WDR41: variants seen among roughly 807,000 people sequenced by gnomAD.
WDR41 encodes WD repeat domain 41, also known as WD repeat-containing protein 41.
WDR41 carries 63 observed loss-of-function variants against 69.3 expected under a neutral mutation model. The ratio of observed to expected loss-of-function variants is 0.91; its 90% CI spans 0.74 to 1.12. The LOEUF (loss-of-function observed/expected upper bound fraction) is 1.12. WDR41 is among the 50% of genes most tolerant of loss of function. The pLI, the probability that WDR41 is intolerant of heterozygous loss-of-function variation, is 0.00. For missense variants in WDR41, 543 were observed against 534.5 expected, an observed-to-expected ratio of 1.02 and a Z score of -0.16; for synonymous variants, 185 against 192.1, an observed-to-expected ratio of 0.96 and a Z score of 0.31.
intron 9 of WDR41, among the ~76,000 whole-genome samples, chr5:77,438,638 T>C (rs1365411572): frequency 6.6e-6 from 1 of 152,152 alleles, no homozygotes; most frequent in Non-Finnish European, 1.5e-5. Flanking sequence ...GAAATATATC[T>C]AGAGAAAAGC....
intron 1 of WDR41, among the ~76,000 whole-genome samples, chr5:77,517,696 T>C (rs1581782790): frequency 6.6e-6 from 1 of 150,968 alleles, no homozygotes; most frequent in African/African-American, 2.4e-5. Flanking sequence ...AGAAAAAGGA[T>C]GTGAATAAAT....
intron 9 of WDR41, among the ~76,000 whole-genome samples, chr5:77,439,410 A>G (rs1799071379): frequency 6.6e-6 from 1 of 152,228 alleles, no homozygotes; most frequent in Admixed American, 6.5e-5. Flanking sequence ...AGTACTCTGC[A>G]ATCAGCAATG....
At chr5:77,500,494 G>C (rs1220907962) in intron 1 of WDR41, among the ~76,000 whole-genome samples, 2 of 151,894 alleles carry the variant, frequency 1.3e-5, no homozygotes, top group Non-Finnish European at 1.5e-5. Context: ...ATGAAAGCAG[G>C]GATATTACTG....
intron 8 of WDR41, among the ~76,000 whole-genome samples, 155 bp from the exon 9 acceptor site, chr5:77,441,152 A>C (rs1799147040): frequency 6.6e-6 from 1 of 152,232 alleles, no homozygotes; most frequent in Non-Finnish European, 1.5e-5. Flanking sequence ...GTAACAGAAT[A>C]AGAAGGCCAG....
rs527815592 is a variant in WDR41 at position 77,486,222 on chromosome 5, A to G, written c.167+3235T>C. Among the ~76,000 whole-genome samples the G allele has an allele frequency of 2.0e-5, 3 of 152,372 alleles. No individual in the cohort carries two copies. In the South Asian group the frequency reaches 6.2e-4, roughly 32 times the overall value. On this transcript the variant is annotated intron_variant, in intron 2 of 12. Transcript: ENST00000296679. ...ACTACAGAATTAAATTTTTAAAAAC[A>G]ACATACAGACTGAAAGTTCTACAGG...
rs139567676 is a variant in WDR41, at chr5:77,607,753, A to G, written c.42+12726T>C. ...CATACATGTGGAAAATATATAAAATAACTTTTAAAGTATATGCTTATCTTT... is the reference window on the plus strand; with the variant it reads ...CATACATGTGGAAAATATATAAAATGACTTTTAAAGTATATGCTTATCTTT... On this transcript the variant is annotated intron_variant, in intron 1 of 5. Transcript: ENST00000509971. Among the ~76,000 whole-genome samples the G allele has an allele frequency of 5.9e-5, 9 of 152,378 alleles. No individual in the cohort carries two copies. The East Asian group carries it at 1.7e-3, about 29-fold the overall frequency.
chr5:77,460,675 A>G (rs2151319635), intron 4 of WDR41, among the ~76,000 whole-genome samples: 1 of 144,900 alleles, frequency 6.9e-6, no homozygotes, highest in East Asian at 2.0e-4. Flanking sequence ...TCTAAACACA[A>G]AATTCATTTA....
In WDR41 at chr5:77,485,736, TC is replaced by T. The variant is rs202039078; in HGVS notation, c.167+3720del. 4.2e-3 allele frequency among the ~76,000 whole-genome samples: 637 copies of T among 152,278 alleles called. 4 individuals carry two copies. The highest frequency in any genetic ancestry group is 0.015 in the African/African-American group (604 of 41,550). ...CATCAATACGACCCTCACTTCATGT[TC>T]AAAAAATACTAAAGAAGAAAAGAAA... On this transcript the variant is annotated intron_variant, in intron 2 of 12. Coordinates refer to ENST00000296679, the MANE Select transcript of WDR41 (RefSeq NM_018268.4).
At chr5:77,483,803 G>A (rs553406826) in intron 2 of WDR41, among the ~76,000 whole-genome samples, 43 of 152,210 alleles carry the variant, frequency 2.8e-4, no homozygotes, top group African/African-American at 9.4e-4. Flanking sequence ...TTTATTTACC[G>A]ATTTTCAACA....
At chr5:77,538,145 A>G (rs1282311936) in intron 1 of WDR41, among the ~76,000 whole-genome samples, 1 of 152,020 alleles carries the variant, frequency 6.6e-6, no homozygotes, top group Non-Finnish European at 1.5e-5. Context: ...TCCACTCTCT[A>G]TGTCCATCTA....
At chr5:77,609,577 C>G (rs1355555735) in intron 1 of WDR41, among the ~76,000 whole-genome samples, 3 of 152,242 alleles carry the variant, frequency 2.0e-5, no homozygotes, top group Admixed American at 6.5e-5. Flanking sequence ...CAAACTCCAA[C>G]AGACCTACAG....
At chr5:77,478,478 T>A (rs1801071398) in intron 2 of WDR41, among the ~76,000 whole-genome samples, 1 of 152,170 alleles carries the variant, frequency 6.6e-6, no homozygotes, top group Non-Finnish European at 1.5e-5. Context: ...TTATCCACCA[T>A]GATCAAGTGG....
rs1798787016 is a variant in WDR41, at chr5:77,433,039, T to A, written c.*96A>T. ...GAATTTTATGGACTGACAAAAAAAA[T>A]TACCAATTTAAGTGATCAATATATT... On this transcript the variant is annotated 3_prime_UTR_variant, in exon 13 of 13. Coordinates refer to ENST00000296679, the MANE Select transcript of WDR41 (RefSeq NM_018268.4). 7.4e-7 allele frequency: 1 copy of A among 1,345,182 alleles called. No individual in the cohort carries two copies. Among genetic ancestry groups the A allele is most frequent in the Non-Finnish European group, 9.8e-7 (1 of 1,015,440 alleles). The allele number at this position is 1,345,182 out of a possible 1,614,324, so 83.3% of individuals were successfully genotyped here.
intron 1 of WDR41, among the ~76,000 whole-genome samples, chr5:77,533,811 C>T (rs1172253200): frequency 6.6e-6 from 1 of 152,174 alleles, no homozygotes; most frequent in Non-Finnish European, 1.5e-5. Flanking sequence ...TAAACCTTAT[C>T]AGATTTATTT....
intron 1 of WDR41, among the ~76,000 whole-genome samples, chr5:77,597,353 G>C (rs1744245542): frequency 6.6e-6 from 1 of 152,128 alleles, no homozygotes; most frequent in Non-Finnish European, 1.5e-5. Context: ...GAATATTAAT[G>C]AGTGTTTAAT....
chr5:77,456,195 G>A (rs1057297651), intron 5 of WDR41, among the ~76,000 whole-genome samples: 9 of 152,094 alleles, frequency 5.9e-5, no homozygotes, highest in Non-Finnish European at 1.3e-4. Context: ...TTTTAATAGT[G>A]ATGGGGTATT....
At chr5:77,448,291 G>A (rs1799466949) in intron 8 of WDR41, among the ~76,000 whole-genome samples, 2 of 152,182 alleles carry the variant, frequency 1.3e-5, no homozygotes, top group Admixed American at 6.5e-5. Flanking sequence ...CTTGCCTTCT[G>A]TGCTGTCTCC....
rs138023639 is a variant in WDR41 at position 77,608,609 on chromosome 5, G to C, written c.42+11870C>G. Among the ~76,000 whole-genome samples, 305 of 152,272 alleles carry C rather than the reference G, an allele frequency of 2.0e-3. 2 individuals are homozygous for C. Among genetic ancestry groups the C allele is most frequent in the African/African-American group, 7.0e-3 (292 of 41,576 alleles). ...ACAGAACATTTCCATCACTGCAAAA[G>C]TTTTATTGGATGGTGCTCTTCTGTA... On this transcript the variant is annotated intron_variant, in intron 1 of 5. Coordinates refer to the WDR41 transcript ENST00000509971.
chr5:77,439,676 TAG>T (rs1799083191), intron 9 of WDR41, among the ~76,000 whole-genome samples: 1 of 152,134 alleles, frequency 6.6e-6, no homozygotes, highest in Admixed American at 6.6e-5. Flanking sequence ...CGGTCCCTTA[TAG>T]AAGGAAAGAA....
Sources: gnomAD v4.1 joint callset for allele counts (sites outside exome capture counted in the v4.1 genomes callset) on GRCh38, gnomAD v4.1.1 for gene constraint, MANE v1.5 for transcripts, NCBI Gene and HGNC (gene_info 2026-07-23, HGNC 2026-07-21) for gene names.